The following MALRD1 variants were observed in gnomAD, a reference collection of about 807,000 sequenced individuals.
The protein encoded by MALRD1 is MAM and LDL-receptor class A domain-containing protein 1.
Under a neutral mutation model 242.1 loss-of-function variants are expected in MALRD1, and 247 were observed. That is an observed-to-expected ratio of 1.02 (90% CI 0.92 to 1.13). The LOEUF is 1.13. Among genes scored for constraint, MALRD1 ranks in the 50% most tolerant of loss-of-function variants. The pLI is 0.00. For missense variants in MALRD1, 2,989 were observed against 2,533.1 expected, an observed-to-expected ratio of 1.18 and a Z score of -3.86; for synonymous variants, 995 against 866.6, an observed-to-expected ratio of 1.15 and a Z score of -2.60.
chr10:19,660,077 A>G (rs146679371), intron 36 of MALRD1, among the ~76,000 whole-genome samples: 60 of 152,234 alleles, frequency 3.9e-4, no homozygotes, highest in African/African-American at 1.3e-3. Context: ...GGTTTATTCC[A>G]CTGAAAGGAC....
intron 9 of MALRD1, 63 bp from the exon 10 acceptor site, chr10:19,136,511 C>A: frequency 1.1e-6 from 1 of 936,190 alleles, no homozygotes; most frequent in Non-Finnish European, 1.4e-6. Context: ...TATCAACCTT[C>A]TTTAGTTTTT....
At position 19,270,334 on chromosome 10, in the gene MALRD1, TCTCACACACA is replaced by T. The variant is rs1051274675; in HGVS notation, c.3080-9711_3080-9702del. Among the ~76,000 whole-genome samples, 7 of 75,726 alleles carry T rather than the reference TCTCACACACA, an allele frequency of 9.2e-5. No individual in the cohort carries two copies. In the East Asian group the frequency reaches 1.3e-3, roughly 14 times the overall value. The allele number at this position is 75,726 out of a possible 152,430, so 49.7% of individuals were successfully genotyped here. On this transcript the variant is annotated intron_variant, in intron 19 of 39. Coordinates refer to ENST00000454679, the MANE Select transcript of MALRD1 (RefSeq NM_001142308.3). ...TCTCTCTCTTCTCTCTCTCTCTCTCTCTCACACACACACACACACACACACACACACACAC... is the reference window on the plus strand; with the variant it reads ...TCTCTCTCTTCTCTCTCTCTCTCTCTCACACACACACACACACACACACAC...
At chr10:19,204,258 A>C (rs1244026774) in intron 15 of MALRD1, 50 bp from the exon 16 acceptor site, 2 of 1,167,264 alleles carry the variant, frequency 1.7e-6, no homozygotes, top group African/African-American at 3.2e-5. Context: ...GTCTCATTTT[A>C]GAATCCAATA....
chr10:19,433,248 G>C (rs1834217103), intron 28 of MALRD1, among the ~76,000 whole-genome samples: 1 of 152,134 alleles, frequency 6.6e-6, no homozygotes, highest in Non-Finnish European at 1.5e-5. Context: ...TTTGTTGAGG[G>C]GGTCAGTGAA....
At chr10:19,211,878 G>A (rs1181208504) in intron 18 of MALRD1, among the ~76,000 whole-genome samples, 3 of 151,938 alleles carry the variant, frequency 2.0e-5, no homozygotes, top group South Asian at 4.1e-4. Flanking sequence ...CAGATAGGAG[G>A]TACTCATTCT....
At chr10:19,615,539 G>GAAAAAAAAA (rs1839111637) in intron 35 of MALRD1, among the ~76,000 whole-genome samples, 1 of 82,472 alleles carries the variant, frequency 1.2e-5, no homozygotes, top group East Asian at 4.2e-4. Flanking sequence ...AAAAAAAGAG[G>GAAAAAAAAA]AAGAGAGAAA....
intron 18 of MALRD1, among the ~76,000 whole-genome samples, chr10:19,232,147 G>A (rs1564485933): frequency 6.6e-6 from 1 of 151,900 alleles, no homozygotes; most frequent in Non-Finnish European, 1.5e-5. Context: ...TAAAAAAAAT[G>A]AGTAGTAGAA....
chr10:19,302,072 A>G (rs918285392), intron 21 of MALRD1, among the ~76,000 whole-genome samples: 2 of 151,882 alleles, frequency 1.3e-5, no homozygotes, highest in African/African-American at 4.8e-5. Flanking sequence ...ACCACTTCAC[A>G]TCCACTAGGA....
chr10:19,185,157 A>T (rs1234944812), intron 14 of MALRD1, among the ~76,000 whole-genome samples: 1 of 152,234 alleles, frequency 6.6e-6, no homozygotes, highest in Non-Finnish European at 1.5e-5. Flanking sequence ...TATAAATGGT[A>T]CATTTTCTCA....
intron 28 of MALRD1, among the ~76,000 whole-genome samples, chr10:19,415,079 T>C (rs1316872865): frequency 2.0e-5 from 3 of 152,220 alleles, no homozygotes; most frequent in African/African-American, 7.2e-5. Context: ...TTAGCTCTAC[T>C]TTTGAAATTA....
intron 26 of MALRD1, among the ~76,000 whole-genome samples, chr10:19,369,313 CATA>C (rs1433145019): frequency 6.2e-5 from 9 of 145,498 alleles, no homozygotes; most frequent in Middle Eastern, 7.7e-3. Context: ...AAATATAATA[CATA>C]ATAAAATATA....
chr10:19,238,557 T>TAA (rs1491475858), intron 18 of MALRD1, among the ~76,000 whole-genome samples: 5 of 116,794 alleles, frequency 4.3e-5, no homozygotes, highest in South Asian at 4.7e-4. Context: ...ATAATGTATA[T>TAA]TATATATAAT....
intron 18 of MALRD1, among the ~76,000 whole-genome samples, chr10:19,210,097 T>C (rs926349873): frequency 8.5e-5 from 13 of 152,232 alleles, no homozygotes; most frequent in Admixed American, 1.3e-4. Context: ...CCAGGCTTTA[T>C]TCAACAATCA....
In MALRD1 at chr10:19,175,226, GT is replaced by G; in HGVS notation, c.1853del (p.Leu618CysfsTer9). The G allele has an allele frequency of 8.1e-7, 1 of 1,229,770 alleles. No individual in the cohort carries two copies. The highest frequency in any genetic ancestry group is 1.0e-6 in the Non-Finnish European group (1 of 986,730). The allele number at this position is 1,229,770 out of a possible 1,614,324, so 76.2% of individuals were successfully genotyped here. On this transcript the variant is annotated frameshift_variant, in exon 14 of 40. Coordinates refer to ENST00000454679, the MANE Select transcript of MALRD1 (RefSeq NM_001142308.3). LOFTEE classifies it high-confidence loss of function. Reference protein sequence around the residue: ...LPFQLILEATVLSSNATVALD... With the variant: ...LPFQLILEATXLSSNATVALD... ...ATTATAGTTAATTTTGGAAGCTACT[GT>G]TTTGTCGTCAAATGCTACCGTTGCT...
At chr10:19,248,193 A>C (rs538965757) in intron 18 of MALRD1, among the ~76,000 whole-genome samples, 4 of 152,196 alleles carry the variant, frequency 2.6e-5, no homozygotes, top group East Asian at 3.9e-4. Context: ...AAAGTACTAC[A>C]TAATAACTAT....
chr10:19,086,226 G>A (rs1835664243), intron 2 of MALRD1, among the ~76,000 whole-genome samples: 1 of 152,068 alleles, frequency 6.6e-6, no homozygotes, highest in African/African-American at 2.4e-5. Context: ...GAGTAGGGAA[G>A]AGAGGTTTCT....
At chr10:19,719,206 A>G (rs1564567255) in intron 38 of MALRD1, among the ~76,000 whole-genome samples, 2 of 65,764 alleles carry the variant, frequency 3.0e-5, no homozygotes, top group African/African-American at 2.0e-4. Flanking sequence ...ATATATATAT[A>G]TATATACACA....
At chr10:19,095,731 A>G (rs1836003947) in intron 4 of MALRD1, among the ~76,000 whole-genome samples, 1 of 152,094 alleles carries the variant, frequency 6.6e-6, no homozygotes, top group Non-Finnish European at 1.5e-5. Context: ...TAATGTATTT[A>G]ATTTGCTGTG....
At chr10:19,302,213 TAAA>T (rs1841980401) in intron 21 of MALRD1, among the ~76,000 whole-genome samples, 1 of 151,806 alleles carries the variant, frequency 6.6e-6, no homozygotes, top group Non-Finnish European at 1.5e-5. Context: ...GGCAGTTTCT[TAAA>T]AAGTCAAACA....
Sources: gnomAD v4.1 joint callset for allele counts (sites outside exome capture counted in the v4.1 genomes callset) on GRCh38, gnomAD v4.1.1 for gene constraint, MANE v1.5 for transcripts, NCBI Gene and HGNC (gene_info 2026-07-23, HGNC 2026-07-21) for gene names.